The following CSMD3 variants were observed in gnomAD, a reference collection of about 807,000 sequenced individuals.
CSMD3 encodes CUB and sushi domain-containing protein 3.
Under a neutral mutation model 435.2 loss-of-function variants are expected in CSMD3, and 177 were observed. The observed-to-expected ratio is 0.41, with a 90% CI of 0.36 to 0.46. The LOEUF (loss-of-function observed/expected upper bound fraction) is 0.46, where lower values mean the gene tolerates loss of function less well. Among genes scored for constraint, CSMD3 ranks in the 20% least tolerant of loss-of-function variants. The pLI is 0.34. For missense variants in CSMD3, 4,265 were observed against 4,504.6 expected (o/e 0.95, Z 1.52); for synonymous variants, 1,656 against 1,520.5 (o/e 1.09, Z -2.07).
intron 32 of CSMD3, among the ~76,000 whole-genome samples, chr8:112,431,765 C>G (rs147158025): frequency 5.3e-4 from 81 of 152,262 alleles, no homozygotes; most frequent in Non-Finnish European, 8.7e-4. Flanking sequence ...TGAGGATTGA[C>G]TGCCTCTGTG....
At chr8:112,648,368 G>T (rs1189081576) in intron 19 of CSMD3, among the ~76,000 whole-genome samples, 6 of 152,126 alleles carry the variant, frequency 3.9e-5, no homozygotes, top group Admixed American at 3.9e-4. Context: ...CACTCAACAT[G>T]AAATAGAAAT....
chr8:112,785,132 T>A (rs561024513), intron 13 of CSMD3, among the ~76,000 whole-genome samples: 1 of 151,964 alleles, frequency 6.6e-6, no homozygotes. Context: ...TAATGTGATA[T>A]AGCATATTAA....
chr8:112,257,664 C>G (rs972475939), intron 61 of CSMD3, among the ~76,000 whole-genome samples: 11 of 152,140 alleles, frequency 7.2e-5, no homozygotes, highest in South Asian at 2.1e-4. Context: ...ATTTCATGCT[C>G]ATGGATAGGA....
intron 3 of CSMD3, among the ~76,000 whole-genome samples, chr8:113,223,925 A>ATC (rs1298802634): frequency 1.3e-5 from 2 of 151,184 alleles, no homozygotes; most frequent in Admixed American, 1.3e-4. Flanking sequence ...AAAAAAAGAA[A>ATC]CTTAAGAAAG....
chr8:113,096,212 A>G (rs2090158099), intron 5 of CSMD3, among the ~76,000 whole-genome samples: 1 of 152,066 alleles, frequency 6.6e-6, no homozygotes, highest in Non-Finnish European at 1.5e-5. Context: ...CTCAAACTTC[A>G]CACATCCAAA....
intron 59 of CSMD3, among the ~76,000 whole-genome samples, chr8:112,269,997 A>AT (rs2130460145): frequency 6.6e-6 from 1 of 152,262 alleles, no homozygotes; most frequent in South Asian, 2.1e-4. Context: ...AGTGGGCTTA[A>AT]TGAGGACATG....
At chr8:112,230,825 A>G (rs1246288672) in intron 69 of CSMD3, among the ~76,000 whole-genome samples, 1 of 152,190 alleles carries the variant, frequency 6.6e-6, no homozygotes, top group African/African-American at 2.4e-5. Flanking sequence ...AAAAGAAAAA[A>G]AAAAAGTTCA....
At chr8:112,256,463 A>G (rs1426111499) in intron 61 of CSMD3, among the ~76,000 whole-genome samples, 1 of 152,166 alleles carries the variant, frequency 6.6e-6, no homozygotes, top group East Asian at 1.9e-4. Context: ...GTCCTAAGGA[A>G]GGGCATTCTA....
intron 18 of CSMD3, 114 bp downstream of exon 18, chr8:112,656,040 A>C: frequency 1.5e-6 from 1 of 646,232 alleles, no homozygotes; most frequent in Non-Finnish European, 2.7e-6. Flanking sequence ...TTATAGATGA[A>C]GGAAAGCTTT....
chr8:112,323,034 A>G (rs140245489), intron 45 of CSMD3, among the ~76,000 whole-genome samples: 2,037 of 152,164 alleles, frequency 0.013, 33 homozygotes, highest in Middle Eastern at 0.044. Context: ...AATAGAAACA[A>G]TTGAGTGTCA....
intron 3 of CSMD3, among the ~76,000 whole-genome samples, chr8:113,179,158 A>T (rs1588214331): frequency 6.6e-6 from 1 of 151,830 alleles, no homozygotes; most frequent in African/African-American, 2.4e-5. Flanking sequence ...ATGTATGCAT[A>T]TTATTTTAAT....
intron 3 of CSMD3, among the ~76,000 whole-genome samples, chr8:113,246,201 C>T (rs1259491653): frequency 1.3e-5 from 2 of 151,830 alleles, no homozygotes; most frequent in Middle Eastern, 3.4e-3. Flanking sequence ...CATAGAGTCC[C>T]GTTATGGTCC....
chr8:112,420,721 TA>T (rs1812400411), intron 32 of CSMD3, among the ~76,000 whole-genome samples: 1 of 152,234 alleles, frequency 6.6e-6, no homozygotes, highest in Admixed American at 6.5e-5. Context: ...TTTATAAGGT[TA>T]TTAAAGAATG....
chr8:112,897,113 C>T (rs2081970208), intron 10 of CSMD3, among the ~76,000 whole-genome samples: 3 of 151,490 alleles, frequency 2.0e-5, no homozygotes, highest in Middle Eastern at 3.4e-3. Flanking sequence ...GATAAATCTT[C>T]CCATTTCAAA....
At chr8:113,133,014 C>A (rs2091322914) in intron 4 of CSMD3, among the ~76,000 whole-genome samples, 1 of 151,962 alleles carries the variant, frequency 6.6e-6, no homozygotes, top group Non-Finnish European at 1.5e-5. Context: ...ACAGTACATT[C>A]TTGAAATAAA....
At chr8:112,380,553 A>T in intron 37 of CSMD3, 97 bp from the exon 38 acceptor site, 1 of 723,872 alleles carries the variant, frequency 1.4e-6, no homozygotes, top group Non-Finnish European at 2.5e-6. Flanking sequence ...ATACCACTAA[A>T]AATATGCATT....
Position 112,989,649 on chromosome 8 carries a change from G to A in CSMD3, c.1031-13501C>T, listed in dbSNP as rs191623112. Among the ~76,000 whole-genome samples, 287 of 152,088 alleles carry A rather than the reference G, an allele frequency of 1.9e-3. 2 individuals are homozygous for A. The highest frequency in any genetic ancestry group is 3.3e-3 in the Non-Finnish European group (224 of 67,980). ...CTTGACTAAGAGGTAGAGTAGGTGT[G>A]ACCCTACTAAGAGATGGAGTCTATT... On this transcript the variant is annotated intron_variant, in intron 6 of 70. Coordinates refer to ENST00000297405, the MANE Select transcript of CSMD3 (RefSeq NM_198123.2).
intron 1 of CSMD3, among the ~76,000 whole-genome samples, chr8:113,366,816 GATA>G (rs2094314874): frequency 6.6e-6 from 1 of 151,928 alleles, no homozygotes; most frequent in African/African-American, 2.4e-5. Flanking sequence ...TGTATCTTGG[GATA>G]ATGTGTTAAC....
chr8:112,351,979 G>A (rs563132459), intron 39 of CSMD3, among the ~76,000 whole-genome samples: 278 of 152,018 alleles, frequency 1.8e-3, no homozygotes, highest in African/African-American at 6.4e-3. Context: ...TATACTTGTA[G>A]TAAATTTTCA....
Sources: gnomAD v4.1 joint callset for allele counts (sites outside exome capture counted in the v4.1 genomes callset) on GRCh38, gnomAD v4.1.1 for gene constraint, MANE v1.5 for transcripts, NCBI Gene and HGNC (gene_info 2026-07-23, HGNC 2026-07-21) for gene names.